The following PARD3 variants were observed in gnomAD, a reference collection of about 807,000 sequenced individuals.
The protein encoded by PARD3 is par-3 family cell polarity regulator, also known as partitioning defective 3 homolog.
PARD3 carries 75 observed loss-of-function variants against 155.4 expected under a neutral mutation model. The observed-to-expected ratio is 0.48, with a 90% CI of 0.40 to 0.58. The LOEUF is 0.58. Ranked by LOEUF, PARD3 falls within the 20% of genes least tolerant of loss-of-function variation. The pLI is 0.00. For synonymous variants in PARD3, 576 were observed against 610.5 expected (o/e 0.94, Z 0.83); for missense variants, 1,642 against 1,721.7 (o/e 0.95, Z 0.82).
intron 1 of PARD3, among the ~76,000 whole-genome samples, chr10:34,805,698 C>A (rs1398865371): frequency 6.6e-6 from 1 of 151,440 alleles, no homozygotes; most frequent in South Asian, 2.1e-4. Flanking sequence ...ATTCTGGGGC[C>A]GGGCGCGGTG....
chr10:34,530,463 C>T (rs2082772393), intron 2 of PARD3, among the ~76,000 whole-genome samples: 1 of 152,160 alleles, frequency 6.6e-6, no homozygotes, highest in South Asian at 2.1e-4. Flanking sequence ...CGGAAATACT[C>T]ATCTCCATCA....
intron 2 of PARD3, among the ~76,000 whole-genome samples, chr10:34,543,254 G>C (rs1161146298): frequency 6.6e-6 from 1 of 152,054 alleles, no homozygotes; most frequent in Non-Finnish European, 1.5e-5. Flanking sequence ...CTGGGCGTCA[G>C]AGCAAAACCC....
chr10:34,482,059 G>C (rs551711873), intron 3 of PARD3, among the ~76,000 whole-genome samples: 17 of 95,196 alleles, frequency 1.8e-4, no homozygotes, highest in African/African-American at 1.4e-3. Flanking sequence ...TTTTGAAGCA[G>C]CATCTTACTC....
At chr10:34,246,215 TG>T (rs2133698503) in intron 22 of PARD3, among the ~76,000 whole-genome samples, 1 of 152,340 alleles carries the variant, frequency 6.6e-6, no homozygotes, top group Admixed American at 6.5e-5. Context: ...TAGAAGCCTT[TG>T]GCAGAACAGT....
chr10:34,132,132 G>T (rs1947645774), intron 22 of PARD3, among the ~76,000 whole-genome samples: 2 of 152,198 alleles, frequency 1.3e-5, no homozygotes, highest in African/African-American at 2.4e-5. Flanking sequence ...TGAGTCATCA[G>T]AGGTCTATAA....
chr10:34,115,147 A>G (rs1219087976), intron 24 of PARD3, among the ~76,000 whole-genome samples: 1 of 152,172 alleles, frequency 6.6e-6, no homozygotes, highest in Non-Finnish European at 1.5e-5. Flanking sequence ...GAGCGAGGCT[A>G]AGAAGTTGGG....
chr10:34,561,759 C>A (rs2085496115), intron 2 of PARD3, among the ~76,000 whole-genome samples: 2 of 151,576 alleles, frequency 1.3e-5, no homozygotes, highest in African/African-American at 4.8e-5. Context: ...CTCAGGTGAT[C>A]CGCCCACCTC....
chr10:34,700,090 C>T (rs2094246078), intron 1 of PARD3, among the ~76,000 whole-genome samples: 1 of 151,896 alleles, frequency 6.6e-6, no homozygotes, highest in Non-Finnish European at 1.5e-5. Flanking sequence ...ACCAAAAGTC[C>T]ATCACACACA....
intron 5 of PARD3, among the ~76,000 whole-genome samples, chr10:34,433,391 T>A (rs2076041205): frequency 1.3e-5 from 2 of 152,196 alleles, no homozygotes; most frequent in South Asian, 4.1e-4. Flanking sequence ...ACAAATACAT[T>A]ATTTTATTTG....
At chr10:34,777,623 C>T (rs1422774120) in intron 1 of PARD3, among the ~76,000 whole-genome samples, 2 of 152,208 alleles carry the variant, frequency 1.3e-5, no homozygotes, top group African/African-American at 4.8e-5. Flanking sequence ...CTCAAACTCT[C>T]AAGCTCAAGC....
At chr10:34,598,306 G>T (rs910576212) in intron 2 of PARD3, among the ~76,000 whole-genome samples, 1 of 148,982 alleles carries the variant, frequency 6.7e-6, no homozygotes, top group African/African-American at 2.5e-5. Flanking sequence ...ACAAAAAAAT[G>T]ATATTACAAA....
intron 2 of PARD3, among the ~76,000 whole-genome samples, chr10:34,601,333 C>T (rs959244569): frequency 4.6e-5 from 7 of 151,228 alleles, no homozygotes; most frequent in Non-Finnish European, 1.0e-4. Context: ...GTCCCAGCTA[C>T]TCAAAAGGCT....
At chr10:34,229,213 T>C (rs1952784277) in intron 22 of PARD3, among the ~76,000 whole-genome samples, 1 of 151,836 alleles carries the variant, frequency 6.6e-6, no homozygotes, top group African/African-American at 2.4e-5. Context: ...GCTTAAAAAA[T>C]TTTCCTCCTC....
At chr10:34,350,296 C>T (rs911235265) in intron 14 of PARD3, among the ~76,000 whole-genome samples, 1 of 152,238 alleles carries the variant, frequency 6.6e-6, no homozygotes, top group East Asian at 1.9e-4. Flanking sequence ...CTGGCCTCTG[C>T]TCCCCCAGGC....
At chr10:34,364,477 T>A (rs113215375) in intron 12 of PARD3, among the ~76,000 whole-genome samples, 2 of 152,208 alleles carry the variant, frequency 1.3e-5, no homozygotes, top group African/African-American at 4.8e-5. Context: ...TCATCCAGGC[T>A]GGAGTGCAGT....
intron 5 of PARD3, among the ~76,000 whole-genome samples, chr10:34,431,417 T>C (rs938351056): frequency 2.0e-5 from 3 of 152,042 alleles, no homozygotes; most frequent in African/African-American, 4.8e-5. Flanking sequence ...AGATGATGCC[T>C]AAAAAAGTTA....
intron 1 of PARD3, among the ~76,000 whole-genome samples, chr10:34,773,547 G>A (rs1178096218): frequency 1.3e-5 from 2 of 152,188 alleles, no homozygotes; most frequent in Non-Finnish European, 2.9e-5. Flanking sequence ...TTGCTGTTCC[G>A]AGAAGATGCA....
intron 2 of PARD3, among the ~76,000 whole-genome samples, chr10:34,604,707 TAA>T (rs2090081824): frequency 6.6e-6 from 1 of 150,598 alleles, no homozygotes; most frequent in Admixed American, 6.6e-5. Flanking sequence ...TTATAAAAAA[TAA>T]AAGTGTACTT....
intron 1 of PARD3, among the ~76,000 whole-genome samples, chr10:34,759,328 T>C (rs1040146376): frequency 1.3e-5 from 2 of 152,016 alleles, no homozygotes; most frequent in Admixed American, 6.6e-5. Context: ...AGAAAAACAA[T>C]GTACATAATA....
Sources: gnomAD v4.1 joint callset for allele counts (sites outside exome capture counted in the v4.1 genomes callset) on GRCh38, gnomAD v4.1.1 for gene constraint, MANE v1.5 for transcripts, NCBI Gene and HGNC (gene_info 2026-07-23, HGNC 2026-07-21) for gene names.